The following KHDRBS2 variants were observed in gnomAD, a reference collection of about 807,000 sequenced individuals.
KHDRBS2 encodes the protein KH RNA binding domain containing, signal transduction associated 2.
Under a neutral mutation model 44.3 loss-of-function variants are expected in KHDRBS2, and 26 were observed. The observed-to-expected ratio is 0.59, with a 90% CI of 0.43 to 0.81. KHDRBS2 has a LOEUF of 0.81. KHDRBS2 is among the 40% of genes least tolerant of loss of function. The pLI is 0.00. For synonymous variants in KHDRBS2, 194 were observed against 151.1 expected, an observed-to-expected ratio of 1.28 and a Z score of -2.08; for missense variants, 476 against 433.1, an observed-to-expected ratio of 1.10 and a Z score of -0.88.
At chr6:62,117,696 A>G (rs887216643) in intron 2 of KHDRBS2, among the ~76,000 whole-genome samples, 3 of 151,980 alleles carry the variant, frequency 2.0e-5, no homozygotes, top group Non-Finnish European at 4.4e-5. Flanking sequence ...CAATGTCCTG[A>G]GGTGTTTTTC....
At chr6:61,605,132 G>T in the KHDRBS2 span, among the ~76,000 whole-genome samples, 1 of 152,080 alleles carries the variant, frequency 6.6e-6, no homozygotes, top group Non-Finnish European at 1.5e-5. Flanking sequence ...GCCTGTCCTC[G>T]GGATGCTACA....
At chr6:61,909,632 T>A (rs545681884) in intron 4 of KHDRBS2, among the ~76,000 whole-genome samples, 3 of 149,828 alleles carry the variant, frequency 2.0e-5, no homozygotes, top group Non-Finnish European at 4.4e-5. Flanking sequence ...GTGTAAACAG[T>A]ATACACAAAA....
intron 4 of KHDRBS2, among the ~76,000 whole-genome samples, chr6:61,944,996 TAGG>T (rs1365108950): frequency 6.8e-6 from 1 of 148,088 alleles, no homozygotes; most frequent in Non-Finnish European, 1.5e-5. Flanking sequence ...GAGGCTGAGG[TAGG>T]AGAATGTCTC....
chr6:61,558,754 T>C, the KHDRBS2 span, among the ~76,000 whole-genome samples: 1 of 152,204 alleles, frequency 6.6e-6, no homozygotes, highest in African/African-American at 2.4e-5. Flanking sequence ...TGATTTCTCG[T>C]ATTATTTTAT....
intron 2 of KHDRBS2, among the ~76,000 whole-genome samples, chr6:62,167,319 C>T (rs1284142474): frequency 2.0e-5 from 3 of 151,508 alleles, no homozygotes; most frequent in Admixed American, 1.3e-4. Context: ...ACAACTAATT[C>T]GGAATTAGAA....
At chr6:61,956,251 T>G (rs974942813) in intron 4 of KHDRBS2, among the ~76,000 whole-genome samples, 9 of 151,928 alleles carry the variant, frequency 5.9e-5, no homozygotes, top group Non-Finnish European at 1.5e-5. Flanking sequence ...AGCACACCAG[T>G]ATATGTAATT....
At chr6:61,786,435 A>C (rs1271122799) in intron 6 of KHDRBS2, among the ~76,000 whole-genome samples, 1 of 152,082 alleles carries the variant, frequency 6.6e-6, no homozygotes, top group Non-Finnish European at 1.5e-5. Flanking sequence ...CATTGGAGAA[A>C]TTTGTAAAAT....
At chr6:61,711,095 A>G (rs1449022039) in intron 7 of KHDRBS2, among the ~76,000 whole-genome samples, 5 of 151,474 alleles carry the variant, frequency 3.3e-5, no homozygotes, top group African/African-American at 1.2e-4. Flanking sequence ...GTGATATTCA[A>G]TAAATATTTG....
chr6:61,740,932 G>C (rs927167592), intron 6 of KHDRBS2, among the ~76,000 whole-genome samples: 1 of 151,682 alleles, frequency 6.6e-6, no homozygotes, highest in South Asian at 2.1e-4. Context: ...AACCACCATT[G>C]TCCACTGAGA....
At chr6:61,583,151 T>A in the KHDRBS2 span, among the ~76,000 whole-genome samples, 1 of 151,840 alleles carries the variant, frequency 6.6e-6, no homozygotes, top group Non-Finnish European at 1.5e-5. Context: ...TTCAATGAAC[T>A]GATATCTCTG....
At chr6:62,180,456 A>G (rs1459193077) in intron 1 of KHDRBS2, among the ~76,000 whole-genome samples, 3 of 151,914 alleles carry the variant, frequency 2.0e-5, no homozygotes, top group African/African-American at 7.2e-5. Flanking sequence ...AGCATCAGAA[A>G]GAATAAAACA....
intron 6 of KHDRBS2, among the ~76,000 whole-genome samples, chr6:61,786,249 TATTAA>T (rs1456695427): frequency 6.6e-6 from 1 of 152,050 alleles, no homozygotes; most frequent in African/African-American, 2.4e-5. Flanking sequence ...AAAAATTTGC[TATTAA>T]ATTAATCAAA....
At chr6:61,857,061 T>C (rs1796261249) in intron 6 of KHDRBS2, among the ~76,000 whole-genome samples, 1 of 152,108 alleles carries the variant, frequency 6.6e-6, no homozygotes, top group Middle Eastern at 3.2e-3. Flanking sequence ...GCACACTTCA[T>C]CTGATAATCA....
intron 6 of KHDRBS2, among the ~76,000 whole-genome samples, chr6:61,827,349 C>T (rs1427862933): frequency 2.0e-5 from 3 of 152,162 alleles, no homozygotes; most frequent in African/African-American, 7.2e-5. Context: ...GTGAGTGTTG[C>T]TCTTTGGGGA....
intron 2 of KHDRBS2, among the ~76,000 whole-genome samples, chr6:62,164,591 G>A (rs1373232922): frequency 6.6e-6 from 1 of 151,772 alleles, no homozygotes; most frequent in African/African-American, 2.4e-5. Flanking sequence ...GTATGCACAT[G>A]TATACACATG....
At chr6:61,590,220 C>G in the KHDRBS2 span, among the ~76,000 whole-genome samples, 1 of 152,060 alleles carries the variant, frequency 6.6e-6, no homozygotes, top group African/African-American at 2.4e-5. Context: ...AAGATGGGGA[C>G]TATTAAAAGT....
chr6:62,228,009 T>A (rs941736016), intron 1 of KHDRBS2, among the ~76,000 whole-genome samples: 21 of 152,164 alleles, frequency 1.4e-4, no homozygotes, highest in Non-Finnish European at 1.9e-4. Context: ...TCTGCCACAT[T>A]TTGGTATCAG....
the KHDRBS2 span, among the ~76,000 whole-genome samples, chr6:61,577,126 A>G: frequency 1.1e-5 from 1 of 86,966 alleles, no homozygotes; most frequent in African/African-American, 4.6e-5. Flanking sequence ...TCTAACACTC[A>G]GTTTTTGTTT....
chr6:62,204,435 A>C (rs1260132805), intron 1 of KHDRBS2, among the ~76,000 whole-genome samples: 4 of 152,168 alleles, frequency 2.6e-5, no homozygotes, highest in African/African-American at 7.2e-5. Context: ...TGGGACCAGA[A>C]GAGTTTTGGA....
Sources: allele counts gnomAD v4.1 joint callset (sites outside exome capture counted in the v4.1 genomes callset), GRCh38; gene constraint gnomAD v4.1.1; transcripts MANE v1.5; gene names NCBI Gene and HGNC (gene_info 2026-07-23, HGNC 2026-07-21).